ZPBP: variants seen among roughly 807,000 people sequenced by gnomAD.
ZPBP encodes the protein zona pellucida binding protein.
Under a neutral mutation model 44.8 loss-of-function variants are expected in ZPBP, and 26 were observed. The ratio of observed to expected loss-of-function variants is 0.58; its 90% confidence interval spans 0.43 to 0.81. The LOEUF (loss-of-function observed/expected upper bound fraction) is 0.81. Among genes scored for constraint, ZPBP ranks in the 30% least tolerant of loss-of-function variants. The pLI is 0.00. For missense variants in ZPBP, 409 were observed against 434.0 expected, an observed-to-expected ratio of 0.94 and a Z score of 0.51; for synonymous variants, 174 against 153.2, an observed-to-expected ratio of 1.14 and a Z score of -1.00.
intron 1 of ZPBP, among the ~76,000 whole-genome samples, chr7:49,931,224 G>T (rs942249059): frequency 1.3e-5 from 2 of 152,278 alleles, no homozygotes; most frequent in Non-Finnish European, 2.9e-5. Context: ...ACAGTACATT[G>T]GTACTGGGAG....
At chr7:50,014,531 C>T (rs547162840) in intron 6 of ZPBP, among the ~76,000 whole-genome samples, 14 of 138,748 alleles carry the variant, frequency 1.0e-4, no homozygotes, top group Non-Finnish European at 1.8e-4. Flanking sequence ...GTGGTGTGAT[C>T]TTGGCTCACT....
At position 49,873,602 on chromosome 7, in the gene ZPBP, GA is replaced by G. The variant is rs1791272356; in HGVS notation, n.510-23089del. 4.6e-5 allele frequency among the ~76,000 whole-genome samples: 7 copies of G among 152,194 alleles called. No individual in the cohort carries two copies. In the South Asian group the frequency reaches 1.5e-3, roughly 32 times the overall value. Reference sequence around the variant, plus strand: ...AGCATGAGTTGGAAGGACTTCTTTGGAAAAAAGTTTGCCAGTATATTTTAGA... The same window carrying G: ...AGCATGAGTTGGAAGGACTTCTTTGGAAAAAGTTTGCCAGTATATTTTAGA... On this transcript the variant is annotated intron_variant and non_coding_transcript_variant, in intron 2 of 2. Coordinates refer to the ZPBP transcript ENST00000465922.
chr7:49,998,431 T>G (rs1271241965), intron 6 of ZPBP, among the ~76,000 whole-genome samples: 1 of 152,218 alleles, frequency 6.6e-6, no homozygotes, highest in East Asian at 1.9e-4. Context: ...CCCTTTCCTT[T>G]TACTATTTTG....
At position 49,954,891 on chromosome 7, in the gene ZPBP, T is replaced by C. The variant is rs530138858; in HGVS notation, c.962-17269A>G. ...AATATCAGAATAAACTTTTTATTCA[T>C]GGGAGCATATAACATTTATCAAGAT... is the stretch of plus-strand genomic sequence containing the variant. On this transcript the variant is annotated intron_variant, in intron 7 of 7. Transcript: ENST00000046087. 2.0e-5 allele frequency among the ~76,000 whole-genome samples: 3 copies of C among 152,318 alleles called. No individual in the cohort carries two copies. The South Asian group carries it at 6.2e-4, about 32-fold the overall frequency.
intron 6 of ZPBP, among the ~76,000 whole-genome samples, chr7:49,996,051 TGATA>T (rs557219897): frequency 3.0e-4 from 46 of 152,300 alleles, no homozygotes; most frequent in African/African-American, 1.1e-3. Context: ...ATGCTCGAGG[TGATA>T]GATATTGTAA....
At chr7:49,844,958 C>A in the ZPBP span, among the ~76,000 whole-genome samples, 5 of 152,222 alleles carry the variant, frequency 3.3e-5, no homozygotes. Flanking sequence ...GCTGGAATTA[C>A]AGGCAGCAGC....
intron 5 of ZPBP, among the ~76,000 whole-genome samples, chr7:50,028,165 A>G (rs952585777): frequency 1.2e-4 from 18 of 152,052 alleles, no homozygotes; most frequent in African/African-American, 4.3e-4. Context: ...AACCAATTCC[A>G]GCAGTATGGT....
intron 1 of ZPBP, among the ~76,000 whole-genome samples, chr7:50,090,515 A>G (rs13311014): frequency 1.3e-5 from 2 of 151,742 alleles, no homozygotes; most frequent in South Asian, 2.1e-4. Flanking sequence ...ATATATGTGT[A>G]TATATGTGTA....
chr7:49,890,506 A>C (rs1050284680), intron 2 of ZPBP, among the ~76,000 whole-genome samples: 5 of 152,208 alleles, frequency 3.3e-5, no homozygotes, highest in Non-Finnish European at 7.4e-5. Flanking sequence ...GAACTATAGA[A>C]TCATAACACC....
intron 6 of ZPBP, among the ~76,000 whole-genome samples, chr7:49,990,918 T>C (rs966294781): frequency 6.6e-6 from 1 of 152,154 alleles, no homozygotes; most frequent in African/African-American, 2.4e-5. Flanking sequence ...GCAACTAGCA[T>C]TATGGGTGTT....
At chr7:49,930,225 AG>A (rs1242902997) in intron 1 of ZPBP, among the ~76,000 whole-genome samples, 2 of 152,210 alleles carry the variant, frequency 1.3e-5, no homozygotes, top group Non-Finnish European at 1.5e-5. Context: ...GCACCAGCTA[AG>A]GGGAACCACT....
At chr7:50,067,211 A>G (rs989828945) in intron 3 of ZPBP, among the ~76,000 whole-genome samples, 1 of 151,574 alleles carries the variant, frequency 6.6e-6, no homozygotes, top group Admixed American at 6.6e-5. Flanking sequence ...CCTTTTTTTT[A>G]GCCTTTAGTG....
At chr7:49,990,950 A>G (rs1210642897) in intron 6 of ZPBP, among the ~76,000 whole-genome samples, 1 of 152,188 alleles carries the variant, frequency 6.6e-6, no homozygotes, top group African/African-American at 2.4e-5. Context: ...AACAGATATC[A>G]TACAGGATTA....
chr7:50,082,223 TTAAGA>T (rs527366258), intron 2 of ZPBP, among the ~76,000 whole-genome samples: 2 of 151,798 alleles, frequency 1.3e-5, no homozygotes, highest in African/African-American at 2.4e-5. Context: ...TAACAAAGTA[TTAAGA>T]TAATACTATA....
chr7:49,878,272 C>T (rs1791527588), intron 2 of ZPBP, among the ~76,000 whole-genome samples: 1 of 152,122 alleles, frequency 6.6e-6, no homozygotes, highest in Non-Finnish European at 1.5e-5. Flanking sequence ...TGGTTTTCTG[C>T]AGACAGCAGT....
chr7:50,042,427 G>GACT (rs1800139250), intron 4 of ZPBP, among the ~76,000 whole-genome samples: 2 of 151,528 alleles, frequency 1.3e-5, no homozygotes, highest in African/African-American at 4.8e-5. Flanking sequence ...AGCCAGATCA[G>GACT]GTTACCCACA....
chr7:49,853,626 T>C (rs1790288342), intron 2 of ZPBP, among the ~76,000 whole-genome samples: 1 of 152,168 alleles, frequency 6.6e-6, no homozygotes, highest in African/African-American at 2.4e-5. Flanking sequence ...ATACTTTACG[T>C]AACATAAAGT....
intron 7 of ZPBP, among the ~76,000 whole-genome samples, chr7:49,957,387 G>T (rs958745975): frequency 1.3e-5 from 2 of 152,132 alleles, no homozygotes; most frequent in Admixed American, 6.6e-5. Flanking sequence ...CAAGGTCTGG[G>T]AGAAGGAAAT....
intron 4 of ZPBP, among the ~76,000 whole-genome samples, chr7:50,036,128 G>A (rs1257620811): frequency 6.6e-6 from 1 of 152,158 alleles, no homozygotes; most frequent in Non-Finnish European, 1.5e-5. Flanking sequence ...GGTTTTGAAT[G>A]ATAAGTTAAG....
Sources: allele counts gnomAD v4.1 joint callset (sites outside exome capture counted in the v4.1 genomes callset), GRCh38; gene constraint gnomAD v4.1.1; transcripts MANE v1.5; gene names NCBI Gene and HGNC (gene_info 2026-07-23, HGNC 2026-07-21).